ATL3: variants seen among roughly 807,000 people sequenced by gnomAD.
The protein encoded by ATL3 is atlastin-3.
ATL3 carries 49 observed loss-of-function variants against 69.5 expected under a neutral mutation model. The ratio of observed to expected loss-of-function variants is 0.71; its 90% confidence interval spans 0.56 to 0.89. The LOEUF (loss-of-function observed/expected upper bound fraction) is 0.89, where lower values mean the gene tolerates loss of function less well. Ranked by LOEUF, ATL3 falls within the 40% of genes least tolerant of loss-of-function variation. The pLI is 0.00. For synonymous variants in ATL3, 214 were observed against 224.1 expected (o/e 0.95, Z 0.40); for missense variants, 606 against 645.7 (o/e 0.94, Z 0.67).
intron 8 of ATL3, among the ~76,000 whole-genome samples, chr11:63,639,686 T>TA (rs1939627798): frequency 6.6e-6 from 1 of 151,990 alleles, no homozygotes; most frequent in African/African-American, 2.4e-5. Flanking sequence ...GACTGGGAGT[T>TA]AGAGGCTACA....
chr11:63,625,636 A>G lies in ATL3; in HGVS notation c.*3683T>C, dbSNP rs1224779302. ...CACTAATGAAACCAACCACCAGTAC[A>G]AGGCAGTATTTTTGTGTGTTTGACC... On this transcript the variant is annotated 3_prime_UTR_variant, in exon 13 of 13. Coordinates refer to ENST00000398868, the MANE Select transcript of ATL3 (RefSeq NM_015459.5). 1 of 152,212 alleles carries G rather than the reference A, an allele frequency of 6.6e-6. No homozygotes were observed. The highest frequency in any genetic ancestry group is 1.5e-5 in the Non-Finnish European group (1 of 68,046). The allele number at this position is 152,212 out of a possible 1,614,324, so 9.4% of individuals were successfully genotyped here.
chr11:63,633,239 T>C (rs1939386693), intron 10 of ATL3, 142 bp from the exon 11 acceptor site: 1 of 665,972 alleles, frequency 1.5e-6, no homozygotes, highest in East Asian at 2.8e-5. Context: ...ATAGTTCAAC[T>C]GATGAAATAG....
At chr11:63,646,634 G>A in intron 5 of ATL3, 71 bp from the exon 6 acceptor site, 2 of 1,015,676 alleles carry the variant, frequency 2.0e-6, no homozygotes, top group East Asian at 2.4e-5. Flanking sequence ...TTTTAGCAAA[G>A]TATTCATTAT....
At chr11:63,631,896 C>T (rs1590716895) in intron 11 of ATL3, among the ~76,000 whole-genome samples, 1 of 152,214 alleles carries the variant, frequency 6.6e-6, no homozygotes, top group East Asian at 1.9e-4. Context: ...GCAGGAGAAC[C>T]GCTTGAACCC....
intron 7 of ATL3, 32 bp downstream of exon 7, chr11:63,644,137 A>G (rs1440741632): frequency 1.4e-6 from 2 of 1,403,706 alleles, no homozygotes; most frequent in Non-Finnish European, 2.0e-6. Flanking sequence ...CTACTTTGAG[A>G]TAATTCATCA....
At chr11:63,653,507 C>G (rs1036091429) in intron 3 of ATL3, among the ~76,000 whole-genome samples, 2 of 151,528 alleles carry the variant, frequency 1.3e-5, no homozygotes, top group Non-Finnish European at 2.9e-5. Flanking sequence ...CCCAAAGGAG[C>G]TGAAAACTTA....
chr11:63,658,554 C>A (rs571234017), intron 3 of ATL3, among the ~76,000 whole-genome samples: 2 of 152,302 alleles, frequency 1.3e-5, no homozygotes, highest in East Asian at 1.9e-4. Flanking sequence ...GACATCAGAG[C>A]TACAACTTCG....
At chr11:63,629,534 G>T in intron 12 of ATL3, 129 bp from the exon 13 acceptor site, 1 of 761,068 alleles carries the variant, frequency 1.3e-6, no homozygotes, top group Non-Finnish European at 2.2e-6. Flanking sequence ...GAATGAAAAT[G>T]CAGGGATACA....
Position 63,636,073 on chromosome 11 carries a change from GGTCTCTGAAAAT to G in ATL3, c.978+122_978+133del, listed in dbSNP as rs1939505598. ...TGGCCCACTCCTGGAAGGACACCAA[GGTCTCTGAAAAT>G]GCCTCTCACCATCTCCCCCAGAAAA... On this transcript the variant is annotated intron_variant, in intron 9 of 12. Coordinates refer to ENST00000398868, the MANE Select transcript of ATL3 (RefSeq NM_015459.5). 1.5e-5 allele frequency: 16 copies of G among 1,100,724 alleles called. No homozygotes were observed. In the South Asian group the frequency reaches 2.4e-4, roughly 16 times the overall value. The allele number at this position is 1,100,724 out of a possible 1,614,324, so 68.2% of individuals were successfully genotyped here.
upstream of ATL3, chr11:63,671,550 A>T: frequency 7.0e-7 from 1 of 1,421,340 alleles, no homozygotes. Context: ...GCGCAGGACG[A>T]GGCTAGGCGA....
intron 1 of ATL3, among the ~76,000 whole-genome samples, chr11:63,665,474 A>T (rs1940548684): frequency 6.6e-6 from 1 of 152,138 alleles, no homozygotes; most frequent in African/African-American, 2.4e-5. Flanking sequence ...TCCCTGTAGC[A>T]CGGTACCCAA....
chr11:63,643,857 T>TTAA (rs1565274639), intron 7 of ATL3, among the ~76,000 whole-genome samples: 1 of 914 alleles, frequency 1.1e-3, no homozygotes, highest in Non-Finnish European at 3.4e-3. Context: ...GTAAAAATTT[T>TTAA]GAAGAATAAC....
rs990340883 is a variant in ATL3 at position 63,658,760 on chromosome 11, C to A, written c.405+1G>T. The A allele has an allele frequency of 1.3e-6, 2 of 1,597,008 alleles. No homozygotes were observed. The highest frequency in any genetic ancestry group is 2.7e-5 in the African/African-American group (2 of 74,146). On this transcript the variant is annotated splice_donor_variant, in intron 3 of 12. Transcript: ENST00000398868. LOFTEE classifies it high-confidence loss of function. ...ATCTGTAAGGTCATTTTCATCCTTA[C>A]CTTCTTCCCACCTGGCTTCTCCACA...
At position 63,629,280 on chromosome 11, in the gene ATL3, G is replaced by A. The variant is rs772880480; in HGVS notation, c.*39C>T. ...GTGGCAGAAACCCAGAAATCAGTAG[G>A]GGCTTGTTGTGTTCTTGTTTGATCT... On this transcript the variant is annotated 3_prime_UTR_variant, in exon 13 of 13. Coordinates refer to ENST00000398868, the MANE Select transcript of ATL3 (RefSeq NM_015459.5). The A allele has an allele frequency of 2.3e-5, 35 of 1,545,634 alleles. No individual in the cohort carries two copies. The highest frequency in any genetic ancestry group is 4.5e-5 in the East Asian group (2 of 44,530).
chr11:63,664,566 G>A (rs1193504895), intron 1 of ATL3, among the ~76,000 whole-genome samples: 1 of 151,276 alleles, frequency 6.6e-6, no homozygotes, highest in Non-Finnish European at 1.5e-5. Flanking sequence ...TGAGCAATGT[G>A]AATGTAATGA....
intron 1 of ATL3, among the ~76,000 whole-genome samples, chr11:63,667,949 CA>C (rs1245351492): frequency 1.3e-5 from 2 of 151,758 alleles, no homozygotes; most frequent in South Asian, 4.2e-4. Context: ...TTCTAACACC[CA>C]AAAAACGTCT....
chr11:63,659,889 A>G (rs915541812), intron 1 of ATL3, among the ~76,000 whole-genome samples: 7 of 152,156 alleles, frequency 4.6e-5, no homozygotes, highest in Admixed American at 2.0e-4. Flanking sequence ...GTGAGCCGAG[A>G]TCATGCCATT....
intron 1 of ATL3, among the ~76,000 whole-genome samples, chr11:63,669,879 C>G (rs936729293): frequency 3.9e-5 from 6 of 151,916 alleles, no homozygotes; most frequent in Admixed American, 3.9e-4. Context: ...ACCCAGGAGG[C>G]GGAGGGTGCA....
At chr11:63,667,949 CAAA>C (rs1245351492) in intron 1 of ATL3, among the ~76,000 whole-genome samples, 1 of 151,758 alleles carries the variant, frequency 6.6e-6, no homozygotes, top group Non-Finnish European at 1.5e-5. Context: ...TTCTAACACC[CAAA>C]AAACGTCTCC....
Sources: allele counts gnomAD v4.1 joint callset (sites outside exome capture counted in the v4.1 genomes callset), GRCh38; gene constraint gnomAD v4.1.1; transcripts MANE v1.5; gene names NCBI Gene and HGNC (gene_info 2026-07-23, HGNC 2026-07-21).